The following EPB41 variants were observed in gnomAD, a reference collection of about 807,000 sequenced individuals.
EPB41 encodes protein 4.1.
In EPB41, 65 loss-of-function variants were observed where a neutral mutation model predicts 108.0. The ratio of observed to expected loss-of-function variants is 0.60; its 90% CI spans 0.49 to 0.74. The LOEUF (loss-of-function observed/expected upper bound fraction) is 0.74, where lower values mean the gene tolerates loss of function less well. Among genes scored for constraint, EPB41 ranks in the 30% least tolerant of loss-of-function variants. The pLI is 0.00. For missense variants in EPB41, 875 were observed against 1,037.0 expected, an observed-to-expected ratio of 0.84 and a Z score of 2.15; for synonymous variants, 336 against 358.9, an observed-to-expected ratio of 0.94 and a Z score of 0.72.
At chr1:29,056,240 A>C (rs902022183) in intron 12 of EPB41, among the ~76,000 whole-genome samples, 10 of 151,758 alleles carry the variant, frequency 6.6e-5, no homozygotes, top group Non-Finnish European at 1.2e-4. Context: ...TCTCAAAAAA[A>C]AAAAAAACAA....
chr1:29,013,794 G>C (rs2096540175), intron 5 of EPB41, among the ~76,000 whole-genome samples: 1 of 144,734 alleles, frequency 6.9e-6, no homozygotes, highest in African/African-American at 2.6e-5. Flanking sequence ...CTCCCAAAGT[G>C]TTGGGATTAC....
intron 16 of EPB41, among the ~76,000 whole-genome samples, chr1:29,086,915 C>A: frequency 6.7e-6 from 1 of 148,934 alleles, no homozygotes. Context: ...AAGGATAAGA[C>A]ACTCTTGTAA....
At chr1:28,978,176 T>C (rs545645227) in intron 1 of EPB41, among the ~76,000 whole-genome samples, 2 of 151,538 alleles carry the variant, frequency 1.3e-5, no homozygotes, top group Admixed American at 6.6e-5. Flanking sequence ...TTTTCATTTA[T>C]TCTTATGTTC....
chr1:28,910,008 G>C (rs1033775277), upstream of EPB41, among the ~76,000 whole-genome samples: 2 of 151,790 alleles, frequency 1.3e-5, no homozygotes, highest in African/African-American at 4.8e-5. Flanking sequence ...CATCACTTGA[G>C]CCCAGGAGGT....
chr1:28,932,518 C>A (rs1350020754), intron 1 of EPB41, among the ~76,000 whole-genome samples: 5 of 147,448 alleles, frequency 3.4e-5, no homozygotes, highest in African/African-American at 1.2e-4. Context: ...AAAAAAAAAG[C>A]AGATATCTTT....
intron 1 of EPB41, among the ~76,000 whole-genome samples, chr1:28,983,414 C>T (rs1322506411): frequency 6.6e-6 from 1 of 152,158 alleles, no homozygotes; most frequent in Admixed American, 6.6e-5. Context: ...GTGCTTCCTA[C>T]TCAAAATGTG....
In EPB41 at chr1:29,044,885, T is replaced by G. The variant is rs1035901328; in HGVS notation, c.1636+5459T>G. Among the ~76,000 whole-genome samples, 6 of 152,158 alleles carry G rather than the reference T, an allele frequency of 3.9e-5. No individual in the cohort carries two copies. In the East Asian group the frequency reaches 5.8e-4, roughly 15 times the overall value. Reference sequence around the variant, plus strand: ...ATAAAATAAAATAAAATACCATTCTTTCCCTACTGCATTCCAGTGTCACCT... The same window carrying G: ...ATAAAATAAAATAAAATACCATTCTGTCCCTACTGCATTCCAGTGTCACCT... On this transcript the variant is annotated intron_variant, in intron 11 of 20. Coordinates refer to ENST00000343067, the MANE Select transcript of EPB41 (RefSeq NM_001376013.1).
intron 6 of EPB41, among the ~76,000 whole-genome samples, chr1:29,016,039 C>T (rs527961549): frequency 4.6e-5 from 7 of 152,294 alleles, no homozygotes; most frequent in African/African-American, 1.7e-4. Context: ...TTATGCCAAG[C>T]TGTGGGCAGG....
intron 4 of EPB41, among the ~76,000 whole-genome samples, chr1:29,002,355 G>A (rs1021561790): frequency 6.6e-6 from 1 of 151,904 alleles, no homozygotes; most frequent in African/African-American, 2.4e-5. Flanking sequence ...GGTAGGTTGA[G>A]GTGGGAGGAT....
In EPB41 at chr1:28,939,504, T is replaced by C. The variant is rs188823754; in HGVS notation, c.-8+24736T>C. Among the ~76,000 whole-genome samples, 686 of 152,176 alleles carry C rather than the reference T, an allele frequency of 4.5e-3. 2 individuals are homozygous for C. The highest frequency in any genetic ancestry group is 6.1e-3 in the Non-Finnish European group (415 of 67,996). ...AGCTGCCCAGGCTGGAGTGCAGTGG[T>C]GCGATCTTGGCTCACTGCAATGACC... On this transcript the variant is annotated intron_variant, in intron 1 of 20. Coordinates refer to ENST00000343067, the MANE Select transcript of EPB41 (RefSeq NM_001376013.1).
chr1:29,038,621 A>G (rs1354331509), intron 10 of EPB41, among the ~76,000 whole-genome samples: 1 of 152,254 alleles, frequency 6.6e-6, no homozygotes, highest in Non-Finnish European at 1.5e-5. Flanking sequence ...ACAAAGATGA[A>G]TAAGCCATGG....
At chr1:29,010,657 G>A (rs959433134) in intron 4 of EPB41, among the ~76,000 whole-genome samples, 1 of 152,184 alleles carries the variant, frequency 6.6e-6, no homozygotes, top group Non-Finnish European at 1.5e-5. Context: ...GGTCTACCAT[G>A]GGTTGAGGAG....
intron 1 of EPB41, among the ~76,000 whole-genome samples, chr1:28,929,119 TAATG>T (rs1227488579): frequency 4.6e-5 from 7 of 152,258 alleles, no homozygotes; most frequent in Admixed American, 3.9e-4. Context: ...AATGTGCTCT[TAATG>T]AATGGGAACT....
chr1:28,908,219 T>G (rs1472361521), intron 1 of EPB41, among the ~76,000 whole-genome samples: 1 of 151,446 alleles, frequency 6.6e-6, no homozygotes, highest in East Asian at 2.0e-4. Context: ...CTGGCCAAGA[T>G]AGAGAAGCCC....
At chr1:29,086,579 G>T (rs1659044217) in intron 16 of EPB41, among the ~76,000 whole-genome samples, 1 of 151,872 alleles carries the variant, frequency 6.6e-6, no homozygotes, top group African/African-American at 2.4e-5. Flanking sequence ...GCCACCTTAA[G>T]ATCCTTTTCA....
chr1:28,956,780 A>T (rs562756620), intron 1 of EPB41, among the ~76,000 whole-genome samples: 1 of 152,368 alleles, frequency 6.6e-6, no homozygotes, highest in South Asian at 2.1e-4. Flanking sequence ...AGATACAGAT[A>T]TTTCAAATAC....
rs1207668190 is a variant in EPB41 at position 29,058,835 on chromosome 1, C to G, written c.1927C>G (p.Leu643Val). 1.3e-6 allele frequency: 2 copies of G among 1,550,114 alleles called. No individual in the cohort carries two copies. Among genetic ancestry groups the G allele is most frequent in the Non-Finnish European group, 1.7e-6 (2 of 1,146,564 alleles). ...GAAGCTTGCAGAAAAAACTGAAGAT[C>G]TGATAAGAATGAGGAAGGTTAGCCA... ...TQKLAEKTED[L>V]IRMRKKKRER... is the part of the protein sequence containing the mutation. The change falls in exon 14 of 21, where the codon CTG becomes GTG. Residue 643 changes from leucine (L) to valine (V), a missense_variant. Around this residue, in one of 3 missense-constraint regions of EPB41, gnomAD observed 519 missense variants for 627.3 expected, o/e 0.83. Coordinates refer to ENST00000343067, the MANE Select transcript of EPB41 (RefSeq NM_001376013.1).
chr1:29,078,672 C>T (rs1401677049), intron 16 of EPB41, among the ~76,000 whole-genome samples: 2 of 152,134 alleles, frequency 1.3e-5, no homozygotes, highest in Non-Finnish European at 2.9e-5. Flanking sequence ...CATTTGAACC[C>T]AGGAGTTTGA....
chr1:29,083,984 G>A (rs1005451667), intron 16 of EPB41, among the ~76,000 whole-genome samples: 1 of 151,528 alleles, frequency 6.6e-6, no homozygotes. Flanking sequence ...GATATTTATT[G>A]TTTACTTTAG....
Sources: allele counts gnomAD v4.1 joint callset (sites outside exome capture counted in the v4.1 genomes callset), GRCh38; gene constraint gnomAD v4.1.1; regional missense constraint gnomAD v4.1.1; transcripts MANE v1.5; gene names NCBI Gene and HGNC (gene_info 2026-07-23, HGNC 2026-07-21).